Variants in DDX39B observed in about 807,000 individuals in gnomAD.
The protein encoded by DDX39B is DExD-box helicase 39B.
DDX39B carries 6 observed loss-of-function variants against 46.4 expected under a neutral mutation model. The ratio of observed to expected loss-of-function variants is 0.13; its 90% CI spans 0.07 to 0.26. The LOEUF (loss-of-function observed/expected upper bound fraction) is 0.26. DDX39B is among the 10% of genes least tolerant of loss of function. DDX39B has a pLI of 1.00. For missense variants in DDX39B, 185 were observed against 553.4 expected (o/e 0.33, Z 6.68); for synonymous variants, 174 against 199.4 (o/e 0.87, Z 1.07).
At chr6:31,539,043 G>A (rs762530649) in intron 3 of DDX39B, 104 bp downstream of exon 3, 36 of 1,593,418 alleles carry the variant, frequency 2.3e-5, no homozygotes, top group Admixed American at 1.0e-4. Flanking sequence ...GGTAACAGAG[G>A]TCATGTGCTC....
At position 31,531,616 on chromosome 6, in the gene DDX39B, G is replaced by A; in HGVS notation, c.868-211C>T. 1.8e-6 allele frequency: 1 copy of A among 567,096 alleles called. No homozygotes were observed. 35.1% of individuals were successfully genotyped at this position (567,096 alleles called of 1,614,324 possible). A position where few individuals can be genotyped will look rare whatever the true frequency, so the allele number is the denominator to read the frequency against. On this transcript the variant is annotated intron_variant, in intron 7 of 10. Transcript: ENST00000396172. This position sits in a 1 kb window ranked among gnomAD's most constrained non-coding sequence, Gnocchi z 5.8. ...TTTCCCTAAGGAAGCTGGCCTCTGA[G>A]GTAGCACAGAGTTCAGAAATCAAAA...
chr6:31,533,577 G>A (rs1767434580), intron 6 of DDX39B: 1 of 152,818 alleles, frequency 6.5e-6, no homozygotes, highest in African/African-American at 2.4e-5. Context: ...CCATCTACAG[G>A]TTTACAGGAA....
At position 31,534,553 on chromosome 6, in the gene DDX39B, C is replaced by T; in HGVS notation, c.735+814G>A. On this transcript the variant is annotated intron_variant, in intron 6 of 10. Coordinates refer to ENST00000396172, the MANE Select transcript of DDX39B (RefSeq NM_004640.7). This position sits in a 1 kb window ranked among gnomAD's most constrained non-coding sequence, Gnocchi z 5.1. ...AAATTTTTTTAAGAAAAAAAATCTA[C>T]CACCCCATTCAGGACACCCCTCCCC... The T allele has an allele frequency of 2.1e-6, 1 of 468,794 alleles. No homozygotes were observed. 29.0% of individuals were successfully genotyped at this position (468,794 alleles called of 1,614,324 possible).
chr6:31,530,721 G>A lies in DDX39B; in HGVS notation c.1270+58C>T, dbSNP rs1397535828. On this transcript the variant is annotated intron_variant, in intron 10 of 10. Coordinates refer to ENST00000396172, the MANE Select transcript of DDX39B (RefSeq NM_004640.7). The surrounding 1 kb of genome is among the most constrained non-coding windows in gnomAD (Gnocchi z 4.5). ...CCCATGACCTATGTGATGGGATTTCGGACAAACACACTAAGGAACAGGGAG... is the reference window on the plus strand; with the variant it reads ...CCCATGACCTATGTGATGGGATTTCAGACAAACACACTAAGGAACAGGGAG... The A allele has an allele frequency of 1.9e-6, 3 of 1,589,484 alleles. No individual in the cohort carries two copies. Among genetic ancestry groups the A allele is most frequent in the Admixed American group, 1.7e-5 (1 of 59,606 alleles).
Position 31,531,445 on chromosome 6 carries a change from T to C in DDX39B, c.868-40A>G. The C allele has an allele frequency of 3.2e-6, 5 of 1,577,650 alleles. No homozygotes were observed. The highest frequency in any genetic ancestry group is 4.4e-6 in the Non-Finnish European group (5 of 1,147,336). On this transcript the variant is annotated intron_variant, in intron 7 of 10. Transcript: ENST00000396172. The surrounding 1 kb of genome is among the most constrained non-coding windows in gnomAD (Gnocchi z 5.8). ...GGTGGGGGGTCGCAAATTGGGGGAA[T>C]AGGGGTCCATGGTGTGTGAGAGACA...
At chr6:31,541,028 G>A (rs1471862425) in intron 1 of DDX39B, 5 of 501,844 alleles carry the variant, frequency 1.0e-5, no homozygotes, top group African/African-American at 2.0e-5. Flanking sequence ...GACAAGTAGA[G>A]TCCTGAAAAG....
intron 2 of DDX39B, among the ~76,000 whole-genome samples, chr6:31,539,767 C>A (rs1768191713): frequency 6.6e-6 from 1 of 152,136 alleles, no homozygotes; most frequent in Admixed American, 6.5e-5. Flanking sequence ...CCTGGCCCAA[C>A]AGAGGGAGAC....
At position 31,541,783 on chromosome 6, in the gene DDX39B, C is replaced by T. The variant is rs1011180025; in HGVS notation, c.-133+167G>A. The stretch of plus-strand genomic sequence containing the variant: ...CCCCCCTTAGCTTCCCTTCCTTCCC[C>T]CAGGAGCTCTTTGCTCTCGAAAGGG... On this transcript the variant is annotated intron_variant, in intron 1 of 10. Coordinates refer to ENST00000396172, the MANE Select transcript of DDX39B (RefSeq NM_004640.7). The T allele has an allele frequency of 9.1e-6, 6 of 661,736 alleles. No individual in the cohort carries two copies. In the South Asian group the frequency reaches 9.2e-5, roughly 10 times the overall value. 41.0% of individuals were successfully genotyped at this position (661,736 alleles called of 1,614,324 possible). A position where few individuals can be genotyped will look rare whatever the true frequency, so the allele number is the denominator to read the frequency against.
chr6:31,532,219 A>G (rs1258085442), intron 7 of DDX39B, among the ~76,000 whole-genome samples: 1 of 152,116 alleles, frequency 6.6e-6, no homozygotes, highest in African/African-American at 2.4e-5. Context: ...TCGTTTCAAG[A>G]CTTTTAACAA....
rs1767526879 is a variant in DDX39B, at chr6:31,534,331, T to G, written c.735+1036A>C. The G allele has an allele frequency of 2.9e-6, 1 of 341,818 alleles. No individual in the cohort carries two copies. The highest frequency in any genetic ancestry group is 6.1e-6 in the Non-Finnish European group (1 of 163,732). The allele number at this position is 341,818 out of a possible 1,614,324, so 21.2% of individuals were successfully genotyped here. On this transcript the variant is annotated intron_variant, in intron 6 of 10. Coordinates refer to ENST00000396172, the MANE Select transcript of DDX39B (RefSeq NM_004640.7). This position sits in a 1 kb window ranked among gnomAD's most constrained non-coding sequence, Gnocchi z 5.1. ...CTTTCTAAAGAGAAGTTCCATGGCCTCCTTCAAATCTCATTCTAGCCCCAA... is the reference window on the plus strand; with the variant it reads ...CTTTCTAAAGAGAAGTTCCATGGCCGCCTTCAAATCTCATTCTAGCCCCAA...
In DDX39B at chr6:31,538,844, C is replaced by A; in HGVS notation, c.351G>T (p.Leu117=). ...CCAACTCCCGAGTGTGACACATCAC[C>A]AGTACAGACACCTTAGGCAGGAAGT... ...LEPVTGQVSV[L]VMCHTRELAF... The change falls in exon 4 of 11, where the codon CTG becomes CTT. Residue 117 remains leucine (L), a synonymous_variant. Coordinates refer to ENST00000396172, the MANE Select transcript of DDX39B (RefSeq NM_004640.7). 6.2e-7 allele frequency: 1 copy of A among 1,614,060 alleles called. No individual in the cohort carries two copies. Among genetic ancestry groups the A allele is most frequent in the East Asian group, 2.2e-5 (1 of 44,888 alleles).
chr6:31,539,173 G>A lies in DDX39B; in HGVS notation c.313C>T (p.Gln105Ter). 6.2e-7 allele frequency: 1 copy of A among 1,613,234 alleles called. No individual in the cohort carries two copies. The highest frequency in any genetic ancestry group is 1.1e-5 in the South Asian group (1 of 91,082). The change falls in exon 3 of 11, where the codon CAA becomes TAA. Residue 105 changes from glutamine (Q) to a stop codon, truncating the protein, a stop_gained. Coordinates refer to ENST00000396172, the MANE Select transcript of DDX39B (RefSeq NM_004640.7). LOFTEE classifies it high-confidence loss of function. ...TGCCCAGTAACTGGCTCCAGCTGTT[G>A]CAGTGTGGCCAAGACAAACACTGCT... Reference protein sequence around the residue: ...KTAVFVLATLQQLEPVTGQVS... With the variant: ...KTAVFVLATL
In DDX39B at chr6:31,531,477, G is replaced by C; in HGVS notation, c.868-72C>G. ...CCATGGTGTGTGAGAGACATTACGTGGGAGAGGGGAGTTTCTAGTAATTAC... is the reference window on the plus strand; with the variant it reads ...CCATGGTGTGTGAGAGACATTACGTCGGAGAGGGGAGTTTCTAGTAATTAC... On this transcript the variant is annotated intron_variant, in intron 7 of 10. Transcript: ENST00000396172. This position sits in a 1 kb window ranked among gnomAD's most constrained non-coding sequence, Gnocchi z 5.8. 7.7e-7 allele frequency: 1 copy of C among 1,299,984 alleles called. No homozygotes were observed. The highest frequency in any genetic ancestry group is 1.1e-6 in the Non-Finnish European group (1 of 905,556). The allele number at this position is 1,299,984 out of a possible 1,614,324, so 80.5% of individuals were successfully genotyped here.
At chr6:31,541,139 C>T (rs1332139866) in intron 1 of DDX39B, 1 of 533,554 alleles carries the variant, frequency 1.9e-6, no homozygotes, top group African/African-American at 1.9e-5. Context: ...GTCATCACTG[C>T]GCAAAGCGCT....
chr6:31,537,642 A>G (rs1405694836), intron 4 of DDX39B, among the ~76,000 whole-genome samples: 1 of 152,212 alleles, frequency 6.6e-6, no homozygotes, highest in Non-Finnish European at 1.5e-5. Context: ...GGGCCTTGGT[A>G]CAGTATCAAA....
intron 5 of DDX39B, 80 bp downstream of exon 5, chr6:31,536,420 T>TG (rs1398166095): frequency 1.3e-6 from 2 of 1,594,980 alleles, no homozygotes; most frequent in Non-Finnish European, 8.6e-7. Context: ...TGCACTGAGG[T>TG]GCTCCTGTTT....
Position 31,536,649 on chromosome 6 carries a change from T to C in DDX39B, c.467A>G (p.Lys156Arg). Residue 156 changes from lysine to arginine, a missense_variant, in exon 5 of 11, where the codon AAG becomes AGG. Physicochemically the swap from Lys to Arg is conservative, Grantham distance 26. Coordinates refer to ENST00000396172, the MANE Select transcript of DDX39B (RefSeq NM_004640.7). The part of the protein sequence containing the change: ...AVFFGGLSIK[K>R]DEEVLKKNCP... The stretch of plus-strand genomic sequence containing the variant: ...GTTCTTCTTCAGCACCTCTTCATCC[T>C]TCTTGATAGACAGACCACCAAAAAA... The C allele has an allele frequency of 1.2e-6, 2 of 1,613,064 alleles. No homozygotes were observed. Among genetic ancestry groups the C allele is most frequent in the Non-Finnish European group, 1.7e-6 (2 of 1,180,018 alleles).
intron 4 of DDX39B, 57 bp downstream of exon 4, chr6:31,538,706 T>C: frequency 6.7e-7 from 1 of 1,495,586 alleles, no homozygotes; most frequent in Admixed American, 2.0e-5. Context: ...GCCTACAAGT[T>C]TCTTATCCCT....
intron 2 of DDX39B, among the ~76,000 whole-genome samples, chr6:31,540,087 T>C (rs34635527): frequency 6.6e-6 from 1 of 152,202 alleles, no homozygotes; most frequent in African/African-American, 2.4e-5. Context: ...GAACGTTTTG[T>C]AGAGACAGGA....
Sources: allele counts gnomAD v4.1 joint callset (sites outside exome capture counted in the v4.1 genomes callset), GRCh38; gene constraint gnomAD v4.1.1; non-coding constraint Gnocchi (gnomAD v3.1); transcripts MANE v1.5; gene names NCBI Gene and HGNC (gene_info 2026-07-23, HGNC 2026-07-21).